The following SHANK2 variants were observed in gnomAD, a reference collection of about 807,000 sequenced individuals.
The protein encoded by SHANK2 is SH3 and multiple ankyrin repeat domains 2.
SHANK2 carries 43 observed loss-of-function variants against 133.7 expected under a neutral mutation model. The observed-to-expected ratio is 0.32, with a 90% confidence interval of 0.25 to 0.41. The LOEUF (loss-of-function observed/expected upper bound fraction) is 0.41, where lower values mean the gene tolerates loss of function less well. Among genes scored for constraint, SHANK2 ranks in the 10% least tolerant of loss-of-function variants. The pLI is 1.00. For synonymous variants in SHANK2, 1,017 were observed against 952.8 expected (o/e 1.07, Z -1.24); for missense variants, 1,994 against 2,235.8 (o/e 0.89, Z 2.18).
Position 70,486,951 on chromosome 11 carries a change from C to T in SHANK2, c.3342G>A (p.Leu1114=). Residue 1114 remains leucine, a synonymous_variant, in exon 25 of 26, where the codon CTG becomes CTA. Transcript: ENST00000601538. This position sits in a 1 kb window ranked among gnomAD's most constrained non-coding sequence, Gnocchi z 8.0. ...STDLGDEDVG[L]GPPAPRTRPS... ...GCCGCGTCCTGGGGGCGGGTGGCCCCAGGCCCACATCCTCATCCCCCAGGT... is the reference window on the plus strand; with the variant it reads ...GCCGCGTCCTGGGGGCGGGTGGCCCTAGGCCCACATCCTCATCCCCCAGGT... 6.2e-7 allele frequency: 1 copy of T among 1,612,394 alleles called. No individual in the cohort carries two copies. The highest frequency in any genetic ancestry group is 8.5e-7 in the Non-Finnish European group (1 of 1,179,786).
In SHANK2 at chr11:70,623,765, C is replaced by T. The variant is rs527778645; in HGVS notation, c.2061+36063G>A. On this transcript the variant is annotated intron_variant, in intron 17 of 25. Coordinates refer to ENST00000601538, the MANE Select transcript of SHANK2 (RefSeq NM_012309.5). ...TTGAGTGCTCAGTAGCTGTGTGTGG[C>T]CAGTGGTGCCATATCGAGCACATGG... 2.6e-5 allele frequency among the ~76,000 whole-genome samples: 4 copies of T among 152,312 alleles called. No homozygotes were observed. In the South Asian group the frequency reaches 8.3e-4, roughly 32 times the overall value.
chr11:70,612,943 C>T (rs1218172377), intron 17 of SHANK2, among the ~76,000 whole-genome samples: 1 of 152,228 alleles, frequency 6.6e-6, no homozygotes, highest in Non-Finnish European at 1.5e-5. Flanking sequence ...GCGCACTGTA[C>T]TCCACGTGTG....
chr11:71,147,157 A>G lies in SHANK2; in HGVS notation c.170T>C (p.Leu57Pro), dbSNP rs1952668301. The change falls in exon 3 of 26, where the codon CTG becomes CCG. Residue 57 changes from leucine (L) to proline (P), a missense_variant. Leu to Pro is a moderately conservative substitution (Grantham distance 98). Transcript: ENST00000601538. ...ARTEESQGNT[L>P]VIRVVIHDLQ... is the part of the protein sequence containing the mutation. ...GTCATGGATGACCACGCGGATCACC[A>G]GCGTGTTGCCCTGGCTCTCCTCCGT... 45 of 1,550,252 alleles carry G rather than the reference A, an allele frequency of 2.9e-5. No homozygotes were observed. The highest frequency in any genetic ancestry group is 3.9e-5 in the Non-Finnish European group (45 of 1,146,938).
At chr11:70,819,847 A>G (rs938271139) in intron 12 of SHANK2, among the ~76,000 whole-genome samples, 6 of 152,170 alleles carry the variant, frequency 3.9e-5, no homozygotes, top group Non-Finnish European at 8.8e-5. Flanking sequence ...GCCAGACGCC[A>G]GAGCCCTGAG....
At position 70,500,901 on chromosome 11, in the gene SHANK2, G is replaced by C; in HGVS notation, c.2288-311C>G. On this transcript the variant is annotated intron_variant, in intron 20 of 25. Coordinates refer to ENST00000601538, the MANE Select transcript of SHANK2 (RefSeq NM_012309.5). This position sits in a 1 kb window ranked among gnomAD's most constrained non-coding sequence, Gnocchi z 4.5. ...ACCAGCACCCTGCCAAAGTAGGGAG[G>C]AGTTCTCAGAGCAGACATGAGCAGA... is the stretch of plus-strand genomic sequence containing the variant. The C allele has an allele frequency of 1.6e-6, 1 of 628,118 alleles. No homozygotes were observed. The highest frequency in any genetic ancestry group is 2.9e-6 in the Non-Finnish European group (1 of 343,890). 38.9% of individuals were successfully genotyped at this position (628,118 alleles called of 1,614,324 possible).
At chr11:70,554,445 C>T (rs1461467736) in intron 17 of SHANK2, among the ~76,000 whole-genome samples, 1 of 152,176 alleles carries the variant, frequency 6.6e-6, no homozygotes, top group Non-Finnish European at 1.5e-5. Flanking sequence ...CTTGCAAGGA[C>T]CTACCTGATC....
rs531761491 is a variant in SHANK2 at position 70,642,108 on chromosome 11, C to T, written c.2061+17720G>A. On this transcript the variant is annotated intron_variant, in intron 17 of 25. Transcript: ENST00000601538. ...TCACTGGCATTCCCCTGAGGGAGGC[C>T]GCATTTCACAGGCTTTTCCAGTTGG... 1.8e-4 allele frequency among the ~76,000 whole-genome samples: 28 copies of T among 152,294 alleles called. No individual in the cohort carries two copies. The South Asian group carries it at 5.4e-3, about 29-fold the overall frequency.
chr11:70,670,885 C>T (rs1322049915), intron 15 of SHANK2, among the ~76,000 whole-genome samples: 40 of 152,294 alleles, frequency 2.6e-4, no homozygotes, highest in African/African-American at 9.1e-4. Context: ...GGGGCTGCGT[C>T]GCTTCACGTG....
At chr11:71,211,795 G>A (rs1954288726) in intron 2 of SHANK2, among the ~76,000 whole-genome samples, 1 of 152,098 alleles carries the variant, frequency 6.6e-6, no homozygotes, top group Admixed American at 6.5e-5. Context: ...ATCACATGAT[G>A]TATGGTGAGT....
intron 10 of SHANK2, among the ~76,000 whole-genome samples, chr11:70,945,815 C>T (rs1590860960): frequency 6.6e-6 from 1 of 152,146 alleles, no homozygotes; most frequent in South Asian, 2.1e-4. Flanking sequence ...CTCGAGGGCT[C>T]ACCCTTCCAG....
At chr11:70,749,484 A>C (rs931336244) in intron 14 of SHANK2, among the ~76,000 whole-genome samples, 1 of 152,236 alleles carries the variant, frequency 6.6e-6, no homozygotes, top group African/African-American at 2.4e-5. Context: ...TCTACACAAC[A>C]TAATACTCAC....
At position 70,953,235 on chromosome 11, in the gene SHANK2, C is replaced by T. The variant is rs782019383; in HGVS notation, c.1108-56668G>A. Among the ~76,000 whole-genome samples, 8 of 152,116 alleles carry T rather than the reference C, an allele frequency of 5.3e-5. No individual in the cohort carries two copies. In the South Asian group the frequency reaches 1.2e-3, roughly 24 times the overall value. ...GGTGGATCCCTCATGAACAGATCCACGCCCTCCCCTCCGAAGTGAGTGTAT... is the reference window on the plus strand; with the variant it reads ...GGTGGATCCCTCATGAACAGATCCATGCCCTCCCCTCCGAAGTGAGTGTAT... On this transcript the variant is annotated intron_variant, in intron 10 of 25. Coordinates refer to ENST00000601538, the MANE Select transcript of SHANK2 (RefSeq NM_012309.5).
chr11:70,732,008 C>T (rs983895537), intron 14 of SHANK2, among the ~76,000 whole-genome samples: 8 of 152,152 alleles, frequency 5.3e-5, no homozygotes, highest in Non-Finnish European at 2.9e-5. Flanking sequence ...ATCCTCTGAA[C>T]GCAGTCCTCT....
chr11:70,917,503 G>A lies in SHANK2; in HGVS notation c.1108-20936C>T, dbSNP rs144896554. ...CCATTCGACTCAGCAATCCCATTAC[G>A]GGGTATATACACAAAGGAATATAAA... On this transcript the variant is annotated intron_variant, in intron 10 of 25. Coordinates refer to ENST00000601538, the MANE Select transcript of SHANK2 (RefSeq NM_012309.5). 4.4e-3 allele frequency among the ~76,000 whole-genome samples: 667 copies of A among 152,222 alleles called. 6 individuals carry two copies. The highest frequency in any genetic ancestry group is 7.9e-3 in the Non-Finnish European group (535 of 68,020).
In SHANK2 at chr11:70,471,452, T is replaced by C. The variant is rs1177810003; in HGVS notation, c.*1417A>G. 1 of 398,748 alleles carries C rather than the reference T, an allele frequency of 2.5e-6. No homozygotes were observed. Among genetic ancestry groups the C allele is most frequent in the South Asian group, 1.3e-4 (1 of 7,848 alleles). The allele number at this position is 398,748 out of a possible 1,614,324, so 24.7% of individuals were successfully genotyped here. ...CTTTTGGAAATTCGAGGTATTGTTA[T>C]GGGGTGGAGGGACTCCGGGGAAAGA... On this transcript the variant is annotated 3_prime_UTR_variant, in exon 26 of 26. Transcript: ENST00000601538. The surrounding 1 kb of genome is among the most constrained non-coding windows in gnomAD (Gnocchi z 4.1).
In SHANK2 at chr11:70,487,439, A is replaced by G. The variant is rs1381036007; in HGVS notation, c.2854T>C (p.Phe952Leu). 6.2e-7 allele frequency: 1 copy of G among 1,613,944 alleles called. No homozygotes were observed. The highest frequency in any genetic ancestry group is 8.5e-7 in the Non-Finnish European group (1 of 1,180,024). ...ATMMREKGMY[F>L]RRELDRYSLD... Reference sequence around the variant, plus strand: ...GAGTAGCGGTCCAGCTCTCTCCTGAAGTACATCCCCTTCTCCCTCATCATG... The same window carrying G: ...GAGTAGCGGTCCAGCTCTCTCCTGAGGTACATCCCCTTCTCCCTCATCATG... Residue 952 changes from phenylalanine (F) to leucine (L), a missense_variant, in exon 25 of 26, where the codon TTC (phenylalanine) becomes CTC (leucine). Phe to Leu is a conservative substitution (Grantham distance 22). This residue lies in a region of SHANK2 where 488 missense variants were observed against 642.6 expected (regional missense o/e 0.76). Coordinates refer to ENST00000601538, the MANE Select transcript of SHANK2 (RefSeq NM_012309.5). This position sits in a 1 kb window ranked among gnomAD's most constrained non-coding sequence, Gnocchi z 5.8.
At chr11:70,734,785 C>T (rs1946366661) in intron 14 of SHANK2, among the ~76,000 whole-genome samples, 1 of 152,200 alleles carries the variant, frequency 6.6e-6, no homozygotes, top group Non-Finnish European at 1.5e-5. Flanking sequence ...GGAATGGCTG[C>T]TGGCCCCGAG....
chr11:71,161,298 G>A (rs1237366286), intron 2 of SHANK2, among the ~76,000 whole-genome samples: 4 of 152,256 alleles, frequency 2.6e-5, no homozygotes, highest in East Asian at 3.9e-4. Context: ...AGAAAACAAC[G>A]TATTTTTTTA....
At chr11:70,705,861 CCTTGCTTCCATG>C (rs1250985398) in intron 14 of SHANK2, 1 of 152,440 alleles carries the variant, frequency 6.6e-6, no homozygotes. Flanking sequence ...CCTCCTGCCT[CCTTGCTTCCATG>C]CTTGCCCTTC....
Sources: allele counts gnomAD v4.1 joint callset (sites outside exome capture counted in the v4.1 genomes callset), GRCh38; gene constraint gnomAD v4.1.1; regional missense constraint gnomAD v4.1.1; non-coding constraint Gnocchi (gnomAD v3.1); transcripts MANE v1.5; gene names NCBI Gene and HGNC (gene_info 2026-07-23, HGNC 2026-07-21).